GALNT9: variants seen among roughly 807,000 people sequenced by gnomAD.
GALNT9 encodes the protein GalNAc transferase 9.
Under a neutral mutation model 63.1 loss-of-function variants are expected in GALNT9, and 47 were observed. The ratio of observed to expected loss-of-function variants is 0.75; its 90% CI spans 0.59 to 0.95. The LOEUF is 0.95. Ranked by LOEUF, GALNT9 falls within the 40% of genes least tolerant of loss-of-function variation. The pLI, the probability that GALNT9 is intolerant of heterozygous loss-of-function variation, is 0.00. For synonymous variants in GALNT9, 396 were observed against 365.7 expected (o/e 1.08, Z -0.94); for missense variants, 829 against 874.8 (o/e 0.95, Z 0.66).
At chr12:132,293,784 C>G (rs1267852161) in intron 1 of GALNT9, among the ~76,000 whole-genome samples, 3 of 144,638 alleles carry the variant, frequency 2.1e-5, no homozygotes, top group African/African-American at 7.3e-5. Context: ...AGGGGCAGAA[C>G]GAGAAGCCGG....
intron 1 of GALNT9, among the ~76,000 whole-genome samples, chr12:132,328,316 C>A (rs1869131037): frequency 6.6e-6 from 1 of 152,110 alleles, no homozygotes; most frequent in Non-Finnish European, 1.5e-5. Flanking sequence ...CAACTTGGGC[C>A]CCCCTGGGTA....
intron 8 of GALNT9, chr12:132,200,737 CAT>C: frequency 4.9e-6 from 1 of 205,454 alleles, no homozygotes; most frequent in Non-Finnish European, 9.9e-6. Context: ...TAGGTGAGTG[CAT>C]GTATCCCTAT....
intron 1 of GALNT9, among the ~76,000 whole-genome samples, chr12:132,299,520 C>T (rs1178797783): frequency 7.3e-6 from 1 of 136,918 alleles, no homozygotes; most frequent in African/African-American, 2.8e-5. Flanking sequence ...CTCACCCACT[C>T]CCACCACATC....
intron 6 of GALNT9, among the ~76,000 whole-genome samples, chr12:132,222,786 G>C (rs926187331): frequency 6.6e-6 from 1 of 151,562 alleles, no homozygotes; most frequent in South Asian, 2.1e-4. Flanking sequence ...GAGGAGATAC[G>C]GACGCTATGG....
chr12:132,286,145 C>G lies in GALNT9; in HGVS notation c.419+105G>C, dbSNP rs1354801660. ...ACTTCCCTGGCGGGCGTGGGGGCCGCTCACTTCCCCGGCCGGCGTGGGGGG... is the reference window on the plus strand; with the variant it reads ...ACTTCCCTGGCGGGCGTGGGGGCCGGTCACTTCCCCGGCCGGCGTGGGGGG... On this transcript the variant is annotated intron_variant, in intron 2 of 10. Transcript: ENST00000328957. The surrounding 1 kb of genome is among the most constrained non-coding windows in gnomAD (Gnocchi z 7.4). 5.2e-6 allele frequency: 6 copies of G among 1,146,646 alleles called. No homozygotes were observed. In the South Asian group the frequency reaches 5.6e-5, roughly 11 times the overall value. 71.0% of individuals were successfully genotyped at this position (1,146,646 alleles called of 1,614,324 possible). A position where few individuals can be genotyped will look rare whatever the true frequency, so the allele number is the denominator to read the frequency against.
chr12:132,329,134 A>G lies in GALNT9; in HGVS notation c.70T>C (p.Phe24Leu), dbSNP rs1420951365. The G allele has an allele frequency of 8.4e-6, 13 of 1,549,476 alleles. No individual in the cohort carries two copies. Among genetic ancestry groups the G allele is most frequent in the Non-Finnish European group, 1.1e-5 (13 of 1,146,516 alleles). The change falls in exon 1 of 11, where the codon TTC (phenylalanine) becomes CTC (leucine). Residue 24 changes from phenylalanine to leucine, a missense_variant. Coordinates refer to ENST00000328957, the MANE Select transcript of GALNT9 (RefSeq NM_001122636.2). ...NILVFVGIVL[F>L]SVYCRLQGRS... Reference sequence around the variant, plus strand: ...CCCTGCAGGCGGCAGTACACGGAGAACAGGACGATGCCCACGAACACCAGG... The same window carrying G: ...CCCTGCAGGCGGCAGTACACGGAGAGCAGGACGATGCCCACGAACACCAGG...
intron 1 of GALNT9, among the ~76,000 whole-genome samples, chr12:132,322,747 C>T (rs1177855466): frequency 6.6e-6 from 1 of 152,184 alleles, no homozygotes; most frequent in Non-Finnish European, 1.5e-5. Context: ...CCCAGGGGAC[C>T]GGGCGCAGAG....
intron 1 of GALNT9, among the ~76,000 whole-genome samples, chr12:132,318,889 T>C (rs576175703): frequency 3.9e-4 from 59 of 152,328 alleles, no homozygotes; most frequent in African/African-American, 1.4e-3. Context: ...GGCTAGGTGC[T>C]CAGAGATGAC....
At position 132,251,132 on chromosome 12, in the gene GALNT9, G is replaced by A. The variant is rs548214561; in HGVS notation, c.960-3105C>T. On this transcript the variant is annotated intron_variant, in intron 5 of 10. Coordinates refer to ENST00000328957, the MANE Select transcript of GALNT9 (RefSeq NM_001122636.2). ...GGTGACCGGCACACGGTACACGTAC[G>A]TGCAGATGTGCGAGCCACAAACGCA... Among the ~76,000 whole-genome samples the A allele has an allele frequency of 1.6e-4, 24 of 152,312 alleles. 1 individual carries two copies. The South Asian group carries it at 2.3e-3, about 14-fold the overall frequency.
intron 2 of GALNT9, among the ~76,000 whole-genome samples, chr12:132,268,379 C>T (rs191875618): frequency 2.2e-4 from 33 of 152,302 alleles, no homozygotes; most frequent in African/African-American, 7.9e-4. Flanking sequence ...TACCTTCCAC[C>T]ACATACAAAA....
intron 1 of GALNT9, among the ~76,000 whole-genome samples, chr12:132,320,119 G>A (rs1199938292): frequency 6.6e-6 from 1 of 152,266 alleles, no homozygotes; most frequent in Non-Finnish European, 1.5e-5. Context: ...CTCCTGCAGC[G>A]ACATCCCCAA....
chr12:132,233,499 A>G (rs1877922489), intron 6 of GALNT9, among the ~76,000 whole-genome samples: 1 of 43,502 alleles, frequency 2.3e-5, no homozygotes, highest in South Asian at 1.5e-3. Flanking sequence ...GACAGCGTGG[A>G]GTCCCTAGTG....
intron 6 of GALNT9, among the ~76,000 whole-genome samples, chr12:132,240,034 C>G (rs1187395430): frequency 6.6e-6 from 1 of 152,184 alleles, no homozygotes; most frequent in Non-Finnish European, 1.5e-5. Context: ...GCCCGCCGCT[C>G]TAAACACAGG....
At position 132,245,149 on chromosome 12, in the gene GALNT9, G is replaced by T. The variant is rs567304994; in HGVS notation, c.1077+2761C>A. On this transcript the variant is annotated intron_variant, in intron 6 of 10. Transcript: ENST00000328957. This position sits in a 1 kb window ranked among gnomAD's most constrained non-coding sequence, Gnocchi z 6.3. ...GCGGAGGAGTCAGGCCATCAGAAAG[G>T]CCCCTATGTCAGCCAGGCGTGGTGG... 6.6e-6 allele frequency among the ~76,000 whole-genome samples: 1 copy of T among 152,078 alleles called. No individual in the cohort carries two copies. The highest frequency in any genetic ancestry group is 2.1e-4 in the South Asian group (1 of 4,822).
rs563168951 is a variant in GALNT9 at position 132,245,297 on chromosome 12, C to T, written c.1077+2613G>A. Among the ~76,000 whole-genome samples, 3 of 152,194 alleles carry T rather than the reference C, an allele frequency of 2.0e-5. No homozygotes were observed. Among genetic ancestry groups the T allele is most frequent in the South Asian group, 2.1e-4 (1 of 4,820 alleles). Reference sequence around the variant, plus strand: ...TCTCTACTAAAAGTACAAAAATTAGCCGGGCATGGTGGCATGTGCCTGTGG... The same window carrying T: ...TCTCTACTAAAAGTACAAAAATTAGTCGGGCATGGTGGCATGTGCCTGTGG... On this transcript the variant is annotated intron_variant, in intron 6 of 10. Coordinates refer to ENST00000328957, the MANE Select transcript of GALNT9 (RefSeq NM_001122636.2). This position sits in a 1 kb window ranked among gnomAD's most constrained non-coding sequence, Gnocchi z 6.3.
At chr12:132,221,859 G>C (rs955151158) in intron 6 of GALNT9, among the ~76,000 whole-genome samples, 3 of 152,014 alleles carry the variant, frequency 2.0e-5, no homozygotes, top group African/African-American at 7.3e-5. Flanking sequence ...TGCTGGAATC[G>C]AATTTCAGCA....
At chr12:132,324,141 C>A (rs1249421708) in intron 1 of GALNT9, among the ~76,000 whole-genome samples, 2 of 152,228 alleles carry the variant, frequency 1.3e-5, no homozygotes, top group Non-Finnish European at 2.9e-5. Flanking sequence ...CAAAGCGTTT[C>A]CAAAATGGAA....
chr12:132,199,094 C>T (rs890383480), intron 9 of GALNT9, 80 bp downstream of exon 9: 3 of 922,162 alleles, frequency 3.3e-6, no homozygotes, highest in East Asian at 2.5e-5. Flanking sequence ...TGGACCCGTG[C>T]CTCTGCCCCA....
In GALNT9 at chr12:132,199,259, C is replaced by T; in HGVS notation, c.1412G>A (p.Ser471Asn). The T allele has an allele frequency of 1.2e-6, 2 of 1,603,102 alleles. No homozygotes were observed. The highest frequency in any genetic ancestry group is 8.5e-7 in the Non-Finnish European group (1 of 1,178,152). Reference sequence around the variant, plus strand: ...GTCCAGACAGTAGGCACTGGCTTTGCTGTTTCTCACCTGCAAGCAGAAGCC... The same window carrying T: ...GTCCAGACAGTAGGCACTGGCTTTGTTGTTTCTCACCTGCAAGCAGAAGCC... ...NTLTYGEVRN[S>N]KASAYCLDQG... The change falls in exon 9 of 11, where the codon AGC (serine) becomes AAC (asparagine). Residue 471 changes from serine to asparagine, a missense_variant. Coordinates refer to ENST00000328957, the MANE Select transcript of GALNT9 (RefSeq NM_001122636.2).
Sources: allele counts gnomAD v4.1 joint callset (sites outside exome capture counted in the v4.1 genomes callset), GRCh38; gene constraint gnomAD v4.1.1; non-coding constraint Gnocchi (gnomAD v3.1); transcripts MANE v1.5; gene names NCBI Gene and HGNC (gene_info 2026-07-23, HGNC 2026-07-21).